Variants in DEPDC5 observed in about 807,000 individuals in gnomAD.
DEPDC5 encodes the protein DEP domain containing 5, GATOR1 subcomplex subunit.
DEPDC5 carries 73 observed loss-of-function variants against 217.3 expected under a neutral mutation model. That is an observed-to-expected ratio of 0.34 (90% CI 0.28 to 0.41). The LOEUF is 0.41. Among genes scored for constraint, DEPDC5 ranks in the 10% least tolerant of loss-of-function variants. The pLI is 1.00. For synonymous variants in DEPDC5, 733 were observed against 756.7 expected (o/e 0.97, Z 0.51); for missense variants, 1,675 against 2,070.1 (o/e 0.81, Z 3.70).
At chr22:31,783,781 G>C (rs775249718) in intron 8 of DEPDC5, 126 bp from the exon 9 acceptor site, 1 of 662,064 alleles carries the variant, frequency 1.5e-6, no homozygotes, top group African/African-American at 1.9e-5. Flanking sequence ...CCATTTTTAA[G>C]TGTATAGTTC....
intron 24 of DEPDC5, among the ~76,000 whole-genome samples, chr22:31,830,666 TGTGTAG>T (rs2090529765): frequency 6.7e-6 from 1 of 148,422 alleles, no homozygotes; most frequent in African/African-American, 2.5e-5. Context: ...TGTGTGTGTG[TGTGTAG>T]GTAGGTGTGT....
In DEPDC5 at chr22:31,821,509, C is replaced by G. The variant is rs577982097; in HGVS notation, c.1878C>G (p.Ser626=). 2 of 1,614,048 alleles carry G rather than the reference C, an allele frequency of 1.2e-6. No homozygotes were observed. Among genetic ancestry groups the G allele is most frequent in the Non-Finnish European group, 1.7e-6 (2 of 1,180,026 alleles). Residue 626 remains serine (S), a synonymous_variant, in exon 23 of 43, where the codon TCC becomes TCG. Coordinates refer to ENST00000651528, the MANE Select transcript of DEPDC5 (RefSeq NM_001242896.3). ...GGTTCTTTATCTGGGTAGGGCCATCCGGAGAAGCCATCCAGATCCACCACC... is the reference window on the plus strand; with the variant it reads ...GGTTCTTTATCTGGGTAGGGCCATCGGGAGAAGCCATCCAGATCCACCACC... ...RWMHTFPVGP[S]GEAIQIHHQT... is the part of the protein sequence containing the mutation.
At chr22:31,879,372 C>T (rs982616542) in intron 37 of DEPDC5, among the ~76,000 whole-genome samples, 153 bp from the exon 38 acceptor site, 3 of 152,052 alleles carry the variant, frequency 2.0e-5, no homozygotes, top group African/African-American at 7.2e-5. Context: ...CTATTTGCTA[C>T]GTTTCACATA....
chr22:31,900,363 T>C (rs1316130618), intron 40 of DEPDC5, among the ~76,000 whole-genome samples: 1 of 152,162 alleles, frequency 6.6e-6, no homozygotes. Context: ...TTTATTTTTA[T>C]ATTTATTTGC....
chr22:31,903,259 A>C (rs1602977327), intron 41 of DEPDC5, among the ~76,000 whole-genome samples: 1 of 28,640 alleles, frequency 3.5e-5, no homozygotes, highest in Admixed American at 6.0e-4. Flanking sequence ...CACCTTCCAC[A>C]CCTAAACCCC....
chr22:31,897,434 T>C lies in DEPDC5; in HGVS notation c.4204-48T>C, dbSNP rs779463712. 4 of 1,560,586 alleles carry C rather than the reference T, an allele frequency of 2.6e-6. No homozygotes were observed. In the Admixed American group the frequency reaches 5.7e-5, roughly 22 times the overall value. On this transcript the variant is annotated intron_variant, in intron 39 of 42. Transcript: ENST00000651528. Reference sequence around the variant, plus strand: ...CTCCTTGGGAAGTATTTTCTCTTGTTTGAAAGAACTTGGAGATGATATTGT... The same window carrying C: ...CTCCTTGGGAAGTATTTTCTCTTGTCTGAAAGAACTTGGAGATGATATTGT...
intron 37 of DEPDC5, 102 bp downstream of exon 37, chr22:31,876,367 G>C (rs2092992944): frequency 1.2e-6 from 1 of 837,486 alleles, no homozygotes; most frequent in East Asian, 2.5e-5. Flanking sequence ...GTGTGACTTT[G>C]TATTATAAGT....
Position 31,845,212 on chromosome 22 carries a change from G to A in DEPDC5, c.2996G>A (p.Arg999Gln), listed in dbSNP as rs201245740. 24 of 1,613,956 alleles carry A rather than the reference G, an allele frequency of 1.5e-5. No homozygotes were observed. In the East Asian group the frequency reaches 2.2e-4, roughly 15 times the overall value. The change falls in exon 30 of 43, where the codon CGG becomes CAG. Residue 999 changes from arginine (R) to glutamine (Q), a missense_variant. Arg to Gln is a conservative substitution (Grantham distance 43). This residue lies in a region of DEPDC5 where 293 missense variants were observed against 386.1 expected (regional missense o/e 0.76). Coordinates refer to ENST00000651528, the MANE Select transcript of DEPDC5 (RefSeq NM_001242896.3). The stretch of plus-strand genomic sequence containing the variant: ...GAGGGCTTGAATCGCATTCGCAGGC[G>A]GCATCGCTCGGATCGCATGATGCGG... ...FVEGLNRIRR[R>Q]HRSDRMMRKG...
chr22:31,774,938 A>G (rs912622709), intron 7 of DEPDC5, among the ~76,000 whole-genome samples: 2 of 152,042 alleles, frequency 1.3e-5, no homozygotes, highest in African/African-American at 2.4e-5. Context: ...TTACAATATT[A>G]AAGAAATACA....
chr22:31,798,004 T>TA lies in DEPDC5; in HGVS notation c.871+304dup, dbSNP rs1190162471. On this transcript the variant is annotated intron_variant, in intron 13 of 42. Transcript: ENST00000651528. ...GAGTGGAGCAATTATACTGTAACTT[T>TA]AAACCACTGGGGCTCAAGCAATCCT... is the stretch of plus-strand genomic sequence containing the variant. 2.2e-4 allele frequency among the ~76,000 whole-genome samples: 34 copies of TA among 151,950 alleles called. 1 individual carries two copies. The East Asian group carries it at 6.0e-3, about 27-fold the overall frequency.
intron 34 of DEPDC5, among the ~76,000 whole-genome samples, chr22:31,872,232 G>A (rs372656961): frequency 2.2e-4 from 34 of 152,288 alleles, no homozygotes; most frequent in African/African-American, 7.7e-4. Flanking sequence ...AGCAGGTGGT[G>A]GAAAGGACTT....
At chr22:31,891,778 G>A (rs1046355648) in intron 38 of DEPDC5, among the ~76,000 whole-genome samples, 2 of 152,162 alleles carry the variant, frequency 1.3e-5, no homozygotes, top group Non-Finnish European at 2.9e-5. Context: ...TGTGCCTCAG[G>A]GAGGCAAAAA....
chr22:31,876,338 G>A, intron 37 of DEPDC5, 73 bp downstream of exon 37: 1 of 1,162,534 alleles, frequency 8.6e-7, no homozygotes, highest in Non-Finnish European at 1.3e-6. Flanking sequence ...TTCACATGAT[G>A]GTGCTTCCTG....
At chr22:31,851,326 G>A (rs2092015311) in intron 31 of DEPDC5, among the ~76,000 whole-genome samples, 1 of 152,208 alleles carries the variant, frequency 6.6e-6, no homozygotes, top group Non-Finnish European at 1.5e-5. Context: ...CAGGAAGAGT[G>A]TGGTGTCATG....
chr22:31,800,745 G>A (rs2086781545), intron 14 of DEPDC5, among the ~76,000 whole-genome samples: 1 of 152,174 alleles, frequency 6.6e-6, no homozygotes, highest in African/African-American at 2.4e-5. Flanking sequence ...GGGAGGTTGA[G>A]GCGGACAGAT....
chr22:31,899,078 C>T (rs561484169), intron 40 of DEPDC5, among the ~76,000 whole-genome samples: 2 of 152,326 alleles, frequency 1.3e-5, no homozygotes, highest in South Asian at 4.1e-4. Flanking sequence ...TTTGCTATAA[C>T]AGCACAGGAT....
intron 41 of DEPDC5, among the ~76,000 whole-genome samples, chr22:31,905,209 G>C (rs2093735050): frequency 6.6e-6 from 1 of 151,848 alleles, no homozygotes; most frequent in Non-Finnish European, 1.5e-5. Flanking sequence ...TTGAGATGGA[G>C]TCTCGCCCTG....
At chr22:31,898,111 G>A (rs1263396303) in intron 40 of DEPDC5, among the ~76,000 whole-genome samples, 1 of 152,196 alleles carries the variant, frequency 6.6e-6, no homozygotes, top group African/African-American at 2.4e-5. Context: ...GCATCCTTTT[G>A]TGCAAAGCTG....
chr22:31,869,513 C>A (rs1468760223), intron 33 of DEPDC5, among the ~76,000 whole-genome samples: 1 of 148,500 alleles, frequency 6.7e-6, no homozygotes, highest in African/African-American at 2.5e-5. Context: ...TGCAGTGAGC[C>A]GAGATTGCGC....
Sources: gnomAD v4.1 joint callset for allele counts (sites outside exome capture counted in the v4.1 genomes callset) on GRCh38, gnomAD v4.1.1 for gene constraint, gnomAD v4.1.1 regional missense constraint, MANE v1.5 for transcripts, NCBI Gene and HGNC (gene_info 2026-07-23, HGNC 2026-07-21) for gene names.